LRRFIP2: variants seen among roughly 807,000 people sequenced by gnomAD.
The protein encoded by LRRFIP2 is leucine-rich repeat flightless-interacting protein 2.
In LRRFIP2, 109 loss-of-function variants were observed where a neutral mutation model predicts 125.9. The ratio of observed to expected loss-of-function variants is 0.87; its 90% confidence interval spans 0.74 to 1.01. The LOEUF (loss-of-function observed/expected upper bound fraction) is 1.01. LRRFIP2 is among the 50% of genes least tolerant of loss of function. LRRFIP2 has a pLI of 0.00. For missense variants in LRRFIP2, 850 were observed against 862.3 expected, an observed-to-expected ratio of 0.99 and a Z score of 0.18; for synonymous variants, 291 against 293.1, an observed-to-expected ratio of 0.99 and a Z score of 0.07.
intron 17 of LRRFIP2, among the ~76,000 whole-genome samples, chr3:37,092,332 A>T (rs1212987678): frequency 1.3e-5 from 2 of 152,212 alleles, no homozygotes; most frequent in African/African-American, 4.8e-5. Context: ...AAGCAGGATC[A>T]ATTATTAAAG....
intron 6 of LRRFIP2, among the ~76,000 whole-genome samples, chr3:37,118,969 G>C (rs1227816747): frequency 6.6e-6 from 1 of 152,132 alleles, no homozygotes; most frequent in Non-Finnish European, 1.5e-5. Flanking sequence ...TATTTTAAAA[G>C]CAAATAATTT....
At chr3:37,098,269 C>T (rs942901325) in intron 15 of LRRFIP2, among the ~76,000 whole-genome samples, 6 of 150,236 alleles carry the variant, frequency 4.0e-5, no homozygotes, top group African/African-American at 1.5e-4. Context: ...GTAATGACAG[C>T]GATTGAAATG....
chr3:37,106,158 T>C (rs2094314043), intron 13 of LRRFIP2, among the ~76,000 whole-genome samples: 1 of 152,190 alleles, frequency 6.6e-6, no homozygotes, highest in Non-Finnish European at 1.5e-5. Flanking sequence ...TGGGATCCCA[T>C]CAGGGGTCAA....
intron 21 of LRRFIP2, among the ~76,000 whole-genome samples, chr3:37,069,284 G>C (rs1409888817): frequency 6.6e-6 from 1 of 152,164 alleles, no homozygotes; most frequent in African/African-American, 2.4e-5. Flanking sequence ...AGAGTTATTT[G>C]AATACCCATG....
chr3:37,119,865 T>C (rs1463693766), intron 6 of LRRFIP2, among the ~76,000 whole-genome samples: 2 of 152,060 alleles, frequency 1.3e-5, no homozygotes, highest in African/African-American at 2.4e-5. Flanking sequence ...TTTTGCCATG[T>C]TGGCCAGGTT....
chr3:37,162,065 A>G (rs1308304903), intron 1 of LRRFIP2, among the ~76,000 whole-genome samples: 1 of 145,952 alleles, frequency 6.9e-6, no homozygotes, highest in Non-Finnish European at 1.5e-5. Context: ...CTGAGGCAGG[A>G]GCATCGCTTG....
At chr3:37,100,590 G>A (rs2093984990) in intron 15 of LRRFIP2, among the ~76,000 whole-genome samples, 1 of 152,014 alleles carries the variant, frequency 6.6e-6, no homozygotes, top group African/African-American at 2.4e-5. Context: ...GTAGGGGCAG[G>A]GGGAGATTTT....
chr3:37,117,725 C>T (rs1459842390), intron 6 of LRRFIP2, among the ~76,000 whole-genome samples: 1 of 152,120 alleles, frequency 6.6e-6, no homozygotes, highest in Non-Finnish European at 1.5e-5. Flanking sequence ...GAACAAAGTT[C>T]AGCAAGTGTC....
intron 4 of LRRFIP2, among the ~76,000 whole-genome samples, chr3:37,122,032 T>C (rs1478972436): frequency 6.6e-6 from 1 of 151,786 alleles, no homozygotes. Flanking sequence ...ACTCATTATT[T>C]ACATTAGGTA....
In LRRFIP2 at chr3:37,145,691, G is replaced by A. The variant is rs191487698; in HGVS notation, c.90+3203C>T. Reference sequence around the variant, plus strand: ...TCAAGACTTTTGTGAGAATCAAGATGTGAAACTGCTTTCAAAGTCATGAAA... The same window carrying A: ...TCAAGACTTTTGTGAGAATCAAGATATGAAACTGCTTTCAAAGTCATGAAA... On this transcript the variant is annotated intron_variant, in intron 2 of 27. Transcript: ENST00000336686. Among the ~76,000 whole-genome samples the A allele has an allele frequency of 2.0e-5, 3 of 152,282 alleles. No homozygotes were observed. The East Asian group carries it at 5.8e-4, about 29-fold the overall frequency.
chr3:37,058,736 C>T, intron 25 of LRRFIP2, 54 bp downstream of exon 25: 1 of 1,587,576 alleles, frequency 6.3e-7, no homozygotes, highest in Non-Finnish European at 8.6e-7. Flanking sequence ...ACAAACCCAC[C>T]CCTGGGACAC....
intron 24 of LRRFIP2, 75 bp from the exon 25 acceptor site, chr3:37,058,985 C>G: frequency 6.3e-7 from 1 of 1,585,842 alleles, no homozygotes; most frequent in Non-Finnish European, 8.6e-7. Flanking sequence ...ATGGTCACAT[C>G]ATAGAACAAA....
At chr3:37,063,593 G>A in intron 24 of LRRFIP2, 149 bp downstream of exon 24, 1 of 678,494 alleles carries the variant, frequency 1.5e-6, no homozygotes, top group South Asian at 1.9e-5. Flanking sequence ...ATAACAAAGA[G>A]GTAAAATATG....
At position 37,127,672 on chromosome 3, in the gene LRRFIP2, AAG is replaced by A; in HGVS notation, c.184_185del (p.Leu62SerfsTer4). 1 of 1,613,926 alleles carries A rather than the reference AAG, an allele frequency of 6.2e-7. No individual in the cohort carries two copies. The highest frequency in any genetic ancestry group is 8.5e-7 in the Non-Finnish European group (1 of 1,179,814). On this transcript the variant is annotated frameshift_variant, in exon 4 of 28. Coordinates refer to ENST00000336686, the MANE Select transcript of LRRFIP2 (RefSeq NM_006309.4). LOFTEE classifies it high-confidence loss of function. Reference sequence around the variant, plus strand: ...GTCCCCACTTCCGATCAAAGGAATGAAGAGAGTACTAGAAATGCAAAAATTTC... The same window carrying A: ...GTCCCCACTTCCGATCAAAGGAATGAAGAGTACTAGAAATGCAAAAATTTC... ...ELERQQKEYS[L>X]HSFDRKWGQI...
intron 4 of LRRFIP2, among the ~76,000 whole-genome samples, chr3:37,123,572 C>T (rs1002206959): frequency 2.0e-5 from 3 of 152,078 alleles, no homozygotes; most frequent in Non-Finnish European, 4.4e-5. Context: ...TTATCAACCA[C>T]GAAAGTTTTG....
At chr3:37,094,587 C>T (rs1241728845) in intron 17 of LRRFIP2, among the ~76,000 whole-genome samples, 1 of 152,092 alleles carries the variant, frequency 6.6e-6, no homozygotes, top group Non-Finnish European at 1.5e-5. Context: ...ATTAAATTTA[C>T]AGGAAAGAGG....
Position 37,115,084 on chromosome 3 carries a change from G to T in LRRFIP2, c.342C>A (p.Phe114Leu). Residue 114 changes from phenylalanine (F) to leucine (L), a missense_variant, in exon 7 of 28, where the codon TTC becomes TTA. Physicochemically the swap from Phe to Leu is conservative, Grantham distance 22 (BLOSUM62 0). Coordinates refer to ENST00000336686, the MANE Select transcript of LRRFIP2 (RefSeq NM_006309.4). ...ATGAAAGTCTTGATGATCTATCCTT[G>T]AACATATCATACTGGGTTTCAGCAA... The part of the protein sequence containing the change: ...RSVGSHRYDM[F>L]KDRSSRLSSL... 1.2e-6 allele frequency: 2 copies of T among 1,600,682 alleles called. No homozygotes were observed. Among genetic ancestry groups the T allele is most frequent in the South Asian group, 2.3e-5 (2 of 88,668 alleles).
chr3:37,127,750 A>G, intron 3 of LRRFIP2, 70 bp from the exon 4 acceptor site: 1 of 1,189,648 alleles, frequency 8.4e-7, no homozygotes, highest in African/African-American at 1.5e-5. Flanking sequence ...CCTTAAATTA[A>G]TCATACACAT....
rs1249912806 is a variant in LRRFIP2 at position 37,091,454 on chromosome 3, T to C, written c.1107+13A>G. ...TACAGAGCATGCTTGGGCTGCAGAA[T>C]GGGCCCTGATACCTTTAGTTCTTTA... On this transcript the variant is annotated intron_variant, in intron 18 of 27. Transcript: ENST00000336686. 5 of 1,601,986 alleles carry C rather than the reference T, an allele frequency of 3.1e-6. No homozygotes were observed. Among genetic ancestry groups the C allele is most frequent in the Non-Finnish European group, 4.3e-6 (5 of 1,175,160 alleles).
Sources: gnomAD v4.1 joint callset for allele counts (sites outside exome capture counted in the v4.1 genomes callset) on GRCh38, gnomAD v4.1.1 for gene constraint, MANE v1.5 for transcripts, NCBI Gene and HGNC (gene_info 2026-07-23, HGNC 2026-07-21) for gene names.